The following SH2B2 variants were observed in gnomAD, a reference collection of about 807,000 sequenced individuals.
The protein encoded by SH2B2 is SH2B adapter protein 2.
SH2B2 carries 37 observed loss-of-function variants against 35.7 expected under a neutral mutation model. The ratio of observed to expected loss-of-function variants is 1.04; its 90% CI spans 0.80 to 1.36. SH2B2 has a LOEUF of 1.36. Among genes scored for constraint, SH2B2 ranks in the 40% most tolerant of loss-of-function variants. SH2B2 has a pLI of 0.00. For synonymous variants in SH2B2, 383 were observed against 376.4 expected (o/e 1.02, Z -0.20); for missense variants, 852 against 817.7 (o/e 1.04, Z -0.51).
chr7:102,318,127 G>A (rs534536561), intron 7 of SH2B2, among the ~76,000 whole-genome samples: 25 of 152,060 alleles, frequency 1.6e-4, no homozygotes, highest in African/African-American at 5.1e-4. Flanking sequence ...ATATTGACCT[G>A]AAATGCTTTG....
chr7:102,314,613 G>T lies in SH2B2; in HGVS notation c.1117G>T (p.Val373Phe), dbSNP rs978146172. 7.3e-5 allele frequency: 29 copies of T among 398,476 alleles called. No individual in the cohort carries two copies. Among genetic ancestry groups the T allele is most frequent in the African/African-American group, 5.8e-4 (28 of 48,650 alleles). 24.7% of individuals were successfully genotyped at this position (398,476 alleles called of 1,614,324 possible). A position where few individuals can be genotyped will look rare whatever the true frequency, so the allele number is the denominator to read the frequency against. ...TGCCGTCAGAGAATCCCTGATCCAC[G>T]TCCCGCTAGAGACCTTTCTGCAGAC... The part of the protein sequence containing the change: ...RDAVRESLIH[V>F]PLETFLQTLE... Residue 373 changes from valine to phenylalanine, a missense_variant, in exon 6 of 9, where the codon GTC becomes TTC. By Grantham distance (50) the Val-to-Phe change is conservative. This residue lies in a region of SH2B2 where 556 missense variants were observed against 514.5 expected (regional missense o/e 1.08). Transcript: ENST00000444095.
At chr7:102,285,416 G>T (rs1792406095), upstream of SH2B2, among the ~76,000 whole-genome samples, 1 of 152,202 alleles carries the variant, frequency 6.6e-6, no homozygotes, top group Admixed American at 6.5e-5. Flanking sequence ...AGGCGTGCAG[G>T]CCTGTGTGCA....
intron 8 of SH2B2, among the ~76,000 whole-genome samples, chr7:102,320,913 TTG>T (rs1438631070): frequency 1.3e-5 from 2 of 152,066 alleles, no homozygotes; most frequent in African/African-American, 4.8e-5. Context: ...ATGCGTGTGC[TTG>T]TGTGTGTGCA....
At chr7:102,317,039 C>A (rs1793859423) in intron 6 of SH2B2, 148 bp from the exon 7 acceptor site, 2 of 703,824 alleles carry the variant, frequency 2.8e-6, no homozygotes, top group South Asian at 2.4e-5. Flanking sequence ...AAAATAAAAA[C>A]TAAAAACCAA....
At chr7:102,289,430 A>G (rs1394041745) in intron 1 of SH2B2, among the ~76,000 whole-genome samples, 1 of 151,884 alleles carries the variant, frequency 6.6e-6, no homozygotes, top group Admixed American at 6.6e-5. Context: ...AGAACAGGGG[A>G]AGTAGGCAGT....
chr7:102,302,850 A>T (rs1320113145), intron 2 of SH2B2, among the ~76,000 whole-genome samples: 1 of 151,946 alleles, frequency 6.6e-6, no homozygotes, highest in African/African-American at 2.4e-5. Context: ...CCCAAGAGGC[A>T]GAGGTTGCAG....
chr7:102,305,396 G>T (rs1793354315), intron 2 of SH2B2, among the ~76,000 whole-genome samples: 1 of 152,062 alleles, frequency 6.6e-6, no homozygotes, highest in Non-Finnish European at 1.5e-5. Flanking sequence ...CTCCCAAGTA[G>T]CTGGGATTAC....
At chr7:102,293,538 TG>T (rs1269611612) in intron 1 of SH2B2, among the ~76,000 whole-genome samples, 3 of 133,980 alleles carry the variant, frequency 2.2e-5, no homozygotes, top group African/African-American at 2.8e-5. Context: ...AAACCGGAGG[TG>T]GGGGGGTGTA....
At chr7:102,299,103 G>C (rs1793040800) in intron 1 of SH2B2, among the ~76,000 whole-genome samples, 1 of 146,430 alleles carries the variant, frequency 6.8e-6, no homozygotes, top group African/African-American at 2.5e-5. Context: ...GTTTCACTGT[G>C]TTAGCCAGGA....
chr7:102,296,747 C>T lies in SH2B2; in HGVS notation c.-29-3775C>T, dbSNP rs544316699. Among the ~76,000 whole-genome samples, 40 of 152,272 alleles carry T rather than the reference C, an allele frequency of 2.6e-4. 1 individual carries two copies. The South Asian group carries it at 7.5e-3, about 28-fold the overall frequency. The stretch of plus-strand genomic sequence containing the variant: ...TTCTGGGGGAAGCCAGATTCCAGAA[C>T]GTGGGAATGTAAGTAGAAGCGTGCA... On this transcript the variant is annotated intron_variant, in intron 1 of 8. Coordinates refer to ENST00000444095, the MANE Select transcript of SH2B2 (RefSeq NM_001359228.2).
intron 1 of SH2B2, among the ~76,000 whole-genome samples, chr7:102,290,238 C>CA (rs1554551548): frequency 1.9e-5 from 1 of 52,394 alleles, no homozygotes; most frequent in Non-Finnish European, 3.9e-5. Flanking sequence ...GCTCCATACC[C>CA]CCCTTTTTTT....
intron 7 of SH2B2, 48 bp from the exon 8 acceptor site, chr7:102,320,283 G>C: frequency 1.3e-6 from 2 of 1,502,946 alleles, no homozygotes; most frequent in East Asian, 2.3e-5. Flanking sequence ...GCTTACCCAG[G>C]TGCCCAGCCC....
intron 8 of SH2B2, among the ~76,000 whole-genome samples, chr7:102,320,797 G>A (rs1554558279): frequency 6.6e-6 from 1 of 152,146 alleles, no homozygotes; most frequent in East Asian, 1.9e-4. Flanking sequence ...GTGGATTGGG[G>A]CAAGTGGGAT....
Position 102,300,583 on chromosome 7 carries a change from CGCCCCGGTCCCA to C in SH2B2, c.35_46del (p.Ala12_Pro15del). ...GTGCCGGCCCTGGCCCCGCCGCAGCCGCCCCGGTCCCAGTCCCGGTCCCGGTCCCGGACTGGC... is the reference window on the plus strand; with the variant it reads ...GTGCCGGCCCTGGCCCCGCCGCAGCCGTCCCGGTCCCGGTCCCGGACTGGC... On this transcript the variant is annotated inframe_deletion, in exon 2 of 9. Coordinates refer to ENST00000444095, the MANE Select transcript of SH2B2 (RefSeq NM_001359228.2). 6.5e-7 allele frequency: 1 copy of C among 1,549,752 alleles called. No homozygotes were observed. The highest frequency in any genetic ancestry group is 2.0e-5 in the Admixed American group (1 of 50,684).
At chr7:102,298,211 A>G (rs1385506544) in intron 1 of SH2B2, among the ~76,000 whole-genome samples, 1 of 152,044 alleles carries the variant, frequency 6.6e-6, no homozygotes, top group African/African-American at 2.4e-5. Context: ...CCACTGCAGG[A>G]TTTTGTGCAG....
At chr7:102,295,965 T>C (rs555375539) in intron 1 of SH2B2, among the ~76,000 whole-genome samples, 110 of 152,246 alleles carry the variant, frequency 7.2e-4, no homozygotes, top group Non-Finnish European at 1.9e-4. Context: ...GCACCCTCTT[T>C]ATTTTCTTTG....
At chr7:102,290,705 G>A (rs1487788909) in intron 1 of SH2B2, among the ~76,000 whole-genome samples, 2 of 152,194 alleles carry the variant, frequency 1.3e-5, no homozygotes, top group African/African-American at 4.8e-5. Context: ...CTCTGCAATG[G>A]AGAAACAACT....
intron 7 of SH2B2, among the ~76,000 whole-genome samples, chr7:102,319,335 C>T (rs1554557753): frequency 6.6e-6 from 1 of 152,222 alleles, no homozygotes; most frequent in Admixed American, 6.5e-5. Flanking sequence ...GTCCTAGCAA[C>T]TTATTCTGCT....
chr7:102,300,941 G>T lies in SH2B2; in HGVS notation c.391G>T (p.Val131Phe). The T allele has an allele frequency of 6.7e-7, 1 of 1,487,716 alleles. No individual in the cohort carries two copies. Among genetic ancestry groups the T allele is most frequent in the Non-Finnish European group, 8.9e-7 (1 of 1,122,296 alleles). 92.2% of individuals were successfully genotyped at this position (1,487,716 alleles called of 1,614,324 possible). The change falls in exon 2 of 9, where the codon GTT becomes TTT. Residue 131 changes from valine (V) to phenylalanine (F), a missense_variant. Physicochemically the swap from Val to Phe is conservative, Grantham distance 50. Coordinates refer to ENST00000444095, the MANE Select transcript of SH2B2 (RefSeq NM_001359228.2). Reference protein sequence around the residue: ...VSTHAATKARVRKGFSLRNMS... With the variant: ...VSTHAATKARFRKGFSLRNMS... The stretch of plus-strand genomic sequence containing the variant: ...CACGCACGCGGCCACCAAGGCCCGC[G>T]TTCGCAAGGGCTTCTCGCTGCGCAA...
Sources: gnomAD v4.1 joint callset for allele counts (sites outside exome capture counted in the v4.1 genomes callset) on GRCh38, gnomAD v4.1.1 for gene constraint, gnomAD v4.1.1 regional missense constraint, MANE v1.5 for transcripts, NCBI Gene and HGNC (gene_info 2026-07-23, HGNC 2026-07-21) for gene names.